The following CORIN variants were observed in gnomAD, a reference collection of about 807,000 sequenced individuals.
CORIN encodes corin, serine peptidase, also known as atrial natriuretic peptide-converting enzyme.
Under a neutral mutation model 125.3 loss-of-function variants are expected in CORIN, and 117 were observed. The ratio of observed to expected loss-of-function variants is 0.93; its 90% confidence interval spans 0.80 to 1.09. CORIN has a LOEUF of 1.09. Ranked by LOEUF, CORIN falls within the 50% of genes least tolerant of loss-of-function variation. The probability of loss-of-function intolerance (pLI) is 0.00; values close to 1 mark genes in which losing one functional copy is unlikely to be tolerated. For missense variants in CORIN, 1,253 were observed against 1,306.7 expected (o/e 0.96, Z 0.63); for synonymous variants, 450 against 466.4 (o/e 0.96, Z 0.45).
chr4:47,811,847 GCTA>G, intron 1 of CORIN, among the ~76,000 whole-genome samples: 1 of 152,270 alleles, frequency 6.6e-6, no homozygotes, highest in African/African-American at 2.4e-5. Flanking sequence ...CTGCTCTGCT[GCTA>G]CTACAACAAC....
chr4:47,653,503 A>G (rs111243399), intron 13 of CORIN, 50 bp downstream of exon 13: 3 of 1,417,134 alleles, frequency 2.1e-6, no homozygotes, highest in African/African-American at 1.4e-5. Context: ...TTCTTATTTT[A>G]TTCTAGTTAT....
At chr4:47,601,964 G>A (rs1448225708) in intron 20 of CORIN, among the ~76,000 whole-genome samples, 2 of 151,358 alleles carry the variant, frequency 1.3e-5, no homozygotes, top group Non-Finnish European at 2.9e-5. Context: ...TATTATTCTT[G>A]AAAGCCATGG....
At chr4:47,651,880 A>G (rs1343188126) in intron 13 of CORIN, among the ~76,000 whole-genome samples, 2 of 152,206 alleles carry the variant, frequency 1.3e-5, no homozygotes, top group African/African-American at 2.4e-5. Context: ...TAGAACTCAG[A>G]ACTTTTAGTC....
At chr4:47,600,561 C>T (rs1012772510) in intron 20 of CORIN, among the ~76,000 whole-genome samples, 2 of 152,088 alleles carry the variant, frequency 1.3e-5, no homozygotes, top group African/African-American at 2.4e-5. Context: ...TCCGGTGAAA[C>T]TCCTTTATTT....
At chr4:47,656,445 C>T (rs141467784) in intron 12 of CORIN, among the ~76,000 whole-genome samples, 130 of 152,256 alleles carry the variant, frequency 8.5e-4, no homozygotes, top group Non-Finnish European at 1.5e-3. Flanking sequence ...CATGAGCCAC[C>T]GCTCCCGGTG....
intron 19 of CORIN, among the ~76,000 whole-genome samples, chr4:47,604,868 A>C (rs1721588157): frequency 6.6e-6 from 1 of 152,236 alleles, no homozygotes; most frequent in South Asian, 2.1e-4. Context: ...AAAAAAAATT[A>C]GATCAATCCA....
At chr4:47,757,043 T>C (rs901375569) in intron 4 of CORIN, among the ~76,000 whole-genome samples, 2 of 152,226 alleles carry the variant, frequency 1.3e-5, no homozygotes, top group African/African-American at 4.8e-5. Context: ...TTAAATAGTA[T>C]TATGTAGGTA....
At chr4:47,793,324 A>G (rs1731159081) in intron 2 of CORIN, among the ~76,000 whole-genome samples, 1 of 152,170 alleles carries the variant, frequency 6.6e-6, no homozygotes, top group African/African-American at 2.4e-5. Context: ...TGAATGATGA[A>G]TGGACTAATG....
chr4:47,646,043 C>CAAAAAAAAAAAA (rs1165408037), intron 13 of CORIN, among the ~76,000 whole-genome samples: 1 of 98,528 alleles, frequency 1.0e-5, no homozygotes, highest in Non-Finnish European at 2.0e-5. Flanking sequence ...CCACCTGTCT[C>CAAAAAAAAAAAA]AAAAAAAAAA....
intron 1 of CORIN, among the ~76,000 whole-genome samples, chr4:47,823,817 C>T (rs1009986014): frequency 9.2e-5 from 14 of 152,228 alleles, no homozygotes; most frequent in East Asian, 3.8e-4. Flanking sequence ...CTGTCCCAGA[C>T]GCCGTGCTCA....
rs575917173 is a variant in CORIN at position 47,789,197 on chromosome 4, G to A, written c.209-2272C>T. 1.8e-3 allele frequency among the ~76,000 whole-genome samples: 275 copies of A among 152,208 alleles called. 1 individual carries two copies. Among genetic ancestry groups the A allele is most frequent in the Non-Finnish European group, 3.0e-3 (204 of 68,010 alleles). ...CGGGCACCTGTAATCTCAGCTACTAGGGAGGCTGTGGCAGGAGAATTGTTT... is the reference window on the plus strand; with the variant it reads ...CGGGCACCTGTAATCTCAGCTACTAAGGAGGCTGTGGCAGGAGAATTGTTT... On this transcript the variant is annotated intron_variant, in intron 2 of 21. Coordinates refer to ENST00000273857, the MANE Select transcript of CORIN (RefSeq NM_006587.4).
intron 1 of CORIN, among the ~76,000 whole-genome samples, chr4:47,811,543 G>A (rs1465281859): frequency 6.6e-6 from 1 of 152,136 alleles, no homozygotes; most frequent in Non-Finnish European, 1.5e-5. Context: ...TAGCTGGGGG[G>A]TGCACCTACT....
At chr4:47,663,187 AGTCCTT>A (rs1412287792) in intron 11 of CORIN, among the ~76,000 whole-genome samples, 1 of 152,156 alleles carries the variant, frequency 6.6e-6, no homozygotes, top group Non-Finnish European at 1.5e-5. Flanking sequence ...TTCTTATCAT[AGTCCTT>A]GTAGTGTTCA....
At chr4:47,777,881 T>C (rs760276008) in intron 3 of CORIN, among the ~76,000 whole-genome samples, 1 of 152,188 alleles carries the variant, frequency 6.6e-6, no homozygotes, top group Non-Finnish European at 1.5e-5. Context: ...AACACAAAAT[T>C]ATACAAATAC....
At chr4:47,738,746 T>C (rs1421111762) in intron 5 of CORIN, among the ~76,000 whole-genome samples, 1 of 152,222 alleles carries the variant, frequency 6.6e-6, no homozygotes, top group Non-Finnish European at 1.5e-5. Context: ...ACATTGAATT[T>C]ACTGGACAGA....
intron 3 of CORIN, 37 bp from the exon 4 acceptor site, chr4:47,763,623 C>T (rs763659207): frequency 1.3e-6 from 2 of 1,530,468 alleles, no homozygotes; most frequent in African/African-American, 1.4e-5. Context: ...AGAGTGGACA[C>T]ATCAGAAGTA....
chr4:47,705,999 G>A (rs1460626528), intron 5 of CORIN, among the ~76,000 whole-genome samples: 1 of 152,082 alleles, frequency 6.6e-6, no homozygotes, highest in Non-Finnish European at 1.5e-5. Context: ...TGTTATTTGT[G>A]CATTTATTTT....
intron 5 of CORIN, among the ~76,000 whole-genome samples, chr4:47,726,187 GAAA>G (rs1224764918): frequency 6.6e-6 from 1 of 152,014 alleles, no homozygotes; most frequent in Non-Finnish European, 1.5e-5. Flanking sequence ...AGCCACTCTG[GAAA>G]AACTGTTGAC....
At chr4:47,670,932 T>C (rs1202282440) in intron 10 of CORIN, among the ~76,000 whole-genome samples, 3 of 152,202 alleles carry the variant, frequency 2.0e-5, no homozygotes, top group African/African-American at 7.2e-5. Flanking sequence ...TTGAAAAAAC[T>C]ATGTATCATA....
Sources: gnomAD v4.1 joint callset for allele counts (sites outside exome capture counted in the v4.1 genomes callset) on GRCh38, gnomAD v4.1.1 for gene constraint, MANE v1.5 for transcripts, NCBI Gene and HGNC (gene_info 2026-07-23, HGNC 2026-07-21) for gene names.